The following CDH12 variants were observed in gnomAD, a reference collection of about 807,000 sequenced individuals.
The protein encoded by CDH12 is cadherin 12, also known as cadherin-12.
A neutral mutation model predicts 74.1 loss-of-function variants in CDH12; 41 were observed. That is an observed-to-expected ratio of 0.55 (90% CI 0.43 to 0.72). The LOEUF (loss-of-function observed/expected upper bound fraction) is 0.72. Ranked by LOEUF, CDH12 falls within the 30% of genes least tolerant of loss-of-function variation. The pLI is 0.00. For synonymous variants in CDH12, 399 were observed against 355.0 expected (o/e 1.12, Z -1.39); for missense variants, 945 against 977.2 (o/e 0.97, Z 0.44).
At chr5:22,680,357 G>T (rs185242457) in intron 1 of CDH12, among the ~76,000 whole-genome samples, 1 of 151,888 alleles carries the variant, frequency 6.6e-6, no homozygotes, top group African/African-American at 2.4e-5. Flanking sequence ...AAGAAACCCT[G>T]TTGCTATTAA....
intron 6 of CDH12, among the ~76,000 whole-genome samples, chr5:21,899,299 C>T (rs1462219224): frequency 6.6e-6 from 1 of 152,114 alleles, no homozygotes; most frequent in Non-Finnish European, 1.5e-5. Flanking sequence ...TTATAGATCT[C>T]TTGAAGGCAA....
chr5:22,762,889 C>T (rs577976989), intron 1 of CDH12, among the ~76,000 whole-genome samples: 1 of 152,032 alleles, frequency 6.6e-6, no homozygotes, highest in South Asian at 2.1e-4. Flanking sequence ...AAATTCTAAA[C>T]TGCGATGTCA....
intron 5 of CDH12, among the ~76,000 whole-genome samples, chr5:22,043,053 T>C (rs1412816912): frequency 6.6e-6 from 1 of 152,088 alleles, no homozygotes; most frequent in Non-Finnish European, 1.5e-5. Context: ...CAAACTTTTT[T>C]CAGAAAATTA....
chr5:22,674,332 T>C lies in CDH12; in HGVS notation c.-522-168968A>G, dbSNP rs1395272865. ...TCTGATGATTTTAAAAAGAGGAGTT[T>C]CCCTTCACAAGCTCTCTTCTCTTGT... On this transcript the variant is annotated intron_variant, in intron 1 of 14. Coordinates refer to ENST00000382254, the MANE Select transcript of CDH12 (RefSeq NM_004061.5). Among the ~76,000 whole-genome samples the C allele has an allele frequency of 2.6e-5, 4 of 152,196 alleles. No homozygotes were observed. The East Asian group carries it at 7.8e-4, about 30-fold the overall frequency.
At chr5:22,796,192 CT>C (rs1247484321) in intron 1 of CDH12, among the ~76,000 whole-genome samples, 2 of 152,068 alleles carry the variant, frequency 1.3e-5, no homozygotes, top group Non-Finnish European at 2.9e-5. Flanking sequence ...ATTTCATTTT[CT>C]TTGGATATAT....
intron 5 of CDH12, among the ~76,000 whole-genome samples, chr5:22,009,511 G>A (rs1360553435): frequency 2.0e-5 from 3 of 152,078 alleles, no homozygotes; most frequent in Admixed American, 1.3e-4. Context: ...TAGAACTGAC[G>A]AGTAAGTAGC....
chr5:22,332,691 T>C (rs1311091594), intron 3 of CDH12, among the ~76,000 whole-genome samples: 1 of 152,154 alleles, frequency 6.6e-6, no homozygotes, highest in South Asian at 2.1e-4. Flanking sequence ...AAGACATTTA[T>C]GCAGCCAAAA....
chr5:21,860,514 T>G (rs1750989117), intron 6 of CDH12, among the ~76,000 whole-genome samples: 1 of 152,066 alleles, frequency 6.6e-6, no homozygotes, highest in African/African-American at 2.4e-5. Flanking sequence ...GATGTGTCTG[T>G]GAGGTTGTTG....
chr5:22,183,961 TTC>T (rs1019538201), intron 4 of CDH12, among the ~76,000 whole-genome samples: 3 of 152,088 alleles, frequency 2.0e-5, no homozygotes, highest in African/African-American at 4.8e-5. Flanking sequence ...TATTTTTATT[TTC>T]TGTCCTAATA....
chr5:22,512,780 C>CT (rs1288410032), intron 1 of CDH12, among the ~76,000 whole-genome samples: 1 of 152,146 alleles, frequency 6.6e-6, no homozygotes, highest in Non-Finnish European at 1.5e-5. Context: ...AAAATAATCC[C>CT]TGCTGGGAGT....
intron 1 of CDH12, among the ~76,000 whole-genome samples, chr5:22,846,863 G>A (rs1737327001): frequency 1.3e-5 from 2 of 152,186 alleles, no homozygotes; most frequent in South Asian, 4.1e-4. Flanking sequence ...CTCATCACTG[G>A]TGTTATATAA....
intron 6 of CDH12, among the ~76,000 whole-genome samples, chr5:21,879,704 G>A (rs114939439): frequency 6.6e-6 from 1 of 152,186 alleles, no homozygotes; most frequent in South Asian, 2.1e-4. Flanking sequence ...GTAAAATATA[G>A]TGCAGATTAA....
At chr5:22,574,710 TC>T (rs1217729472) in intron 1 of CDH12, among the ~76,000 whole-genome samples, 1 of 152,130 alleles carries the variant, frequency 6.6e-6, no homozygotes, top group Admixed American at 6.5e-5. Context: ...TAACTTTCCT[TC>T]TCTTCCTCTT....
At chr5:22,490,803 T>C (rs1474485166) in intron 2 of CDH12, among the ~76,000 whole-genome samples, 1 of 152,182 alleles carries the variant, frequency 6.6e-6, no homozygotes, top group Non-Finnish European at 1.5e-5. Flanking sequence ...GAACTAACAC[T>C]CTTGCCTTTA....
chr5:22,572,299 T>C (rs980707900), intron 1 of CDH12, among the ~76,000 whole-genome samples: 1 of 152,186 alleles, frequency 6.6e-6, no homozygotes, highest in Non-Finnish European at 1.5e-5. Flanking sequence ...TTTTTTAGTA[T>C]TTTTAGTATT....
intron 4 of CDH12, among the ~76,000 whole-genome samples, chr5:22,131,201 A>G (rs995203758): frequency 2.0e-5 from 3 of 152,096 alleles, no homozygotes; most frequent in African/African-American, 7.2e-5. Flanking sequence ...CTTCTATATA[A>G]ACATTTTAAA....
intron 11 of CDH12, 38 bp downstream of exon 11, chr5:21,783,320 C>A: frequency 6.3e-7 from 1 of 1,577,640 alleles, no homozygotes; most frequent in Non-Finnish European, 8.7e-7. Flanking sequence ...ATCCAAAGAA[C>A]TGCAGTATAA....
chr5:22,810,030 T>C (rs979985463), intron 1 of CDH12, among the ~76,000 whole-genome samples: 3 of 152,072 alleles, frequency 2.0e-5, no homozygotes, highest in South Asian at 2.1e-4. Context: ...GTTGTTTTTA[T>C]TTTAAAACAC....
intron 4 of CDH12, among the ~76,000 whole-genome samples, chr5:22,119,129 C>T (rs987640519): frequency 6.6e-6 from 1 of 152,026 alleles, no homozygotes; most frequent in Non-Finnish European, 1.5e-5. Flanking sequence ...ATGCAGATTT[C>T]GTTGTCAGGA....
Sources: allele counts gnomAD v4.1 joint callset (sites outside exome capture counted in the v4.1 genomes callset), GRCh38; gene constraint gnomAD v4.1.1; transcripts MANE v1.5; gene names NCBI Gene and HGNC (gene_info 2026-07-23, HGNC 2026-07-21).